The following MBD5 variants were observed in gnomAD, a reference collection of about 807,000 sequenced individuals.
The protein encoded by MBD5 is methyl-CpG-binding domain protein 5.
In MBD5, 13 loss-of-function variants were observed where a neutral mutation model predicts 117.3. The ratio of observed to expected loss-of-function variants is 0.11; its 90% CI spans 0.07 to 0.18. The LOEUF (loss-of-function observed/expected upper bound fraction) is 0.18, where lower values mean the gene tolerates loss of function less well. MBD5 is among the 10% of genes least tolerant of loss of function. The pLI, the probability that MBD5 is intolerant of heterozygous loss-of-function variation, is 1.00. For missense variants in MBD5, 1,879 were observed against 2,093.8 expected, an observed-to-expected ratio of 0.90 and a Z score of 2.00; for synonymous variants, 727 against 766.4, an observed-to-expected ratio of 0.95 and a Z score of 0.85.
intron 1 of MBD5, among the ~76,000 whole-genome samples, chr2:148,119,489 C>T (rs79928126): frequency 6.3e-4 from 96 of 152,152 alleles, no homozygotes; most frequent in Middle Eastern, 3.4e-3. Flanking sequence ...CTATGCAGTA[C>T]GAAATGTCCT....
chr2:148,133,233 A>T (rs1225561484), intron 1 of MBD5, among the ~76,000 whole-genome samples: 1 of 152,208 alleles, frequency 6.6e-6, no homozygotes, highest in African/African-American at 2.4e-5. Flanking sequence ...AAGACAATAC[A>T]TATATTTTTA....
At chr2:148,061,753 T>G (rs1178066018) in intron 1 of MBD5, among the ~76,000 whole-genome samples, 1 of 151,982 alleles carries the variant, frequency 6.6e-6, no homozygotes, top group African/African-American at 2.4e-5. Context: ...AAGCTATTGA[T>G]TCATATCATA....
chr2:148,328,503 C>CGTA lies in MBD5; in HGVS notation c.-679-13709_-679-13707dup, dbSNP rs527536747. ...CTAGCAATCAGCCAGACTCTGTGGG[C>CGTA]GTAGGACCCTCCGACCCAGGTGCAG... On this transcript the variant is annotated intron_variant, in intron 3 of 13. Transcript: ENST00000642680. 2.9e-4 allele frequency among the ~76,000 whole-genome samples: 44 copies of CGTA among 152,188 alleles called. 1 individual carries two copies. Among genetic ancestry groups the CGTA allele is most frequent in the South Asian group, 1.0e-3 (5 of 4,826 alleles).
intron 1 of MBD5, among the ~76,000 whole-genome samples, chr2:148,074,484 G>GTTTTTTTTTGT: frequency 8.1e-6 from 1 of 123,154 alleles, no homozygotes; most frequent in East Asian, 2.3e-4. Context: ...GGAATAGTTT[G>GTTTTTTTTTGT]TTTTTTTTTT....
rs1315536965 is a variant in MBD5, at chr2:148,458,461, C to G, written c.-298C>G. 5 of 576,202 alleles carry G rather than the reference C, an allele frequency of 8.7e-6. No homozygotes were observed. The highest frequency in any genetic ancestry group is 1.9e-5 in the African/African-American group (1 of 53,590). The allele number at this position is 576,202 out of a possible 1,614,324, so 35.7% of individuals were successfully genotyped here. A position where few individuals can be genotyped will look rare whatever the true frequency, so the allele number is the denominator to read the frequency against. Reference sequence around the variant, plus strand: ...CCCCACCCCCACTTCAGACAGGTACCAGCATTGGTGAATTATGATTTTCCT... The same window carrying G: ...CCCCACCCCCACTTCAGACAGGTACGAGCATTGGTGAATTATGATTTTCCT... On this transcript the variant is annotated 5_prime_UTR_variant, in exon 5 of 14. Transcript: ENST00000642680.
intron 4 of MBD5, among the ~76,000 whole-genome samples, chr2:148,377,057 T>A (rs1389008413): frequency 6.6e-6 from 1 of 151,074 alleles, no homozygotes. Context: ...TTTATCCTAT[T>A]AGTTCTCTCC....
At chr2:148,040,121 C>T (rs1485865334) in intron 1 of MBD5, among the ~76,000 whole-genome samples, 5 of 152,154 alleles carry the variant, frequency 3.3e-5, no homozygotes, top group Admixed American at 6.5e-5. Flanking sequence ...GTGCACCAAA[C>T]TCCTGTGACA....
chr2:148,026,227 A>G (rs956750961), intron 1 of MBD5: 2 of 152,188 alleles, frequency 1.3e-5, no homozygotes, highest in African/African-American at 4.8e-5. Context: ...TTGAATTCAC[A>G]TTACATTTAT....
At chr2:148,398,496 G>A (rs1704806646) in intron 4 of MBD5, among the ~76,000 whole-genome samples, 1 of 152,118 alleles carries the variant, frequency 6.6e-6, no homozygotes, top group South Asian at 2.1e-4. Context: ...TTTTGATGGG[G>A]TTGTTTGTTT....
intron 10 of MBD5, among the ~76,000 whole-genome samples, chr2:148,488,361 T>C (rs1681403789): frequency 6.6e-6 from 1 of 152,190 alleles, no homozygotes; most frequent in African/African-American, 2.4e-5. Context: ...CTAGGATTGA[T>C]GGGCAGCAAT....
intron 3 of MBD5, among the ~76,000 whole-genome samples, chr2:148,315,112 G>A (rs1236241844): frequency 1.3e-5 from 2 of 152,136 alleles, no homozygotes; most frequent in Non-Finnish European, 2.9e-5. Context: ...TTAAAATTTG[G>A]TCAAAGGAAC....
chr2:148,485,732 C>G lies in MBD5; in HGVS notation c.3545-10C>G, dbSNP rs1574479997. On this transcript the variant is annotated splice_polypyrimidine_tract_variant and intron_variant, in intron 9 of 13. Coordinates refer to ENST00000642680, the MANE Select transcript of MBD5 (RefSeq NM_001378120.1). ...ACATTTATTTATATTTTATGTTTTTCAAACTGTAGGTGATATGTCATCAAT... is the reference window on the plus strand; with the variant it reads ...ACATTTATTTATATTTTATGTTTTTGAAACTGTAGGTGATATGTCATCAAT... 8 of 1,591,240 alleles carry G rather than the reference C, an allele frequency of 5.0e-6. No individual in the cohort carries two copies. Among genetic ancestry groups the G allele is most frequent in the Non-Finnish European group, 6.9e-6 (8 of 1,162,412 alleles).
At chr2:148,315,525 C>T (rs985046685) in intron 3 of MBD5, among the ~76,000 whole-genome samples, 1 of 152,136 alleles carries the variant, frequency 6.6e-6, no homozygotes, top group Non-Finnish European at 1.5e-5. Context: ...CTGGGCCTTC[C>T]AGTGGACCAT....
At chr2:148,425,327 C>G (rs55944945) in intron 4 of MBD5, among the ~76,000 whole-genome samples, 5,996 of 152,248 alleles carry the variant, frequency 0.039, 157 homozygotes, top group Admixed American at 0.058. Context: ...TCTCCCAAGT[C>G]TAAACCAGGA....
chr2:148,152,454 T>A lies in MBD5; in HGVS notation c.-924-26246T>A, dbSNP rs1303042621. ...GAGAGTTCTGTAGATGTCTATTAGG[T>A]CCGCTTGCTGCAGAGCTGAGTTCAA... On this transcript the variant is annotated intron_variant, in intron 1 of 13. Transcript: ENST00000642680. Among the ~76,000 whole-genome samples the A allele has an allele frequency of 8.5e-5, 13 of 152,206 alleles. No individual in the cohort carries two copies. In the East Asian group the frequency reaches 2.5e-3, roughly 29 times the overall value.
At chr2:148,215,510 G>A (rs1051838064) in intron 2 of MBD5, among the ~76,000 whole-genome samples, 1 of 151,848 alleles carries the variant, frequency 6.6e-6, no homozygotes, top group African/African-American at 2.4e-5. Context: ...GTTTGTTTTT[G>A]TTTTTGTTTT....
chr2:148,243,392 G>T (rs1256634090), intron 3 of MBD5, among the ~76,000 whole-genome samples: 2 of 151,996 alleles, frequency 1.3e-5, no homozygotes, highest in East Asian at 3.9e-4. Flanking sequence ...TGCTAATGTA[G>T]ATTGTAGGGA....
intron 1 of MBD5, among the ~76,000 whole-genome samples, chr2:148,161,931 C>A (rs532224508): frequency 6.6e-6 from 1 of 152,270 alleles, no homozygotes; most frequent in Non-Finnish European, 1.5e-5. Context: ...TCAGAACTAT[C>A]ACTGTGGTAA....
chr2:148,277,263 T>C (rs1443213923), intron 3 of MBD5, among the ~76,000 whole-genome samples: 2 of 152,138 alleles, frequency 1.3e-5, no homozygotes, highest in African/African-American at 4.8e-5. Flanking sequence ...AGGGGAAACA[T>C]TCCTGTTAAG....
Sources: allele counts gnomAD v4.1 joint callset (sites outside exome capture counted in the v4.1 genomes callset), GRCh38; gene constraint gnomAD v4.1.1; transcripts MANE v1.5; gene names NCBI Gene and HGNC (gene_info 2026-07-23, HGNC 2026-07-21).